DGLUCY: variants seen among roughly 807,000 people sequenced by gnomAD.
DGLUCY encodes D-glutamate cyclase.
In DGLUCY, 58 loss-of-function variants were observed where a neutral mutation model predicts 58.5. That is an observed-to-expected ratio of 0.99 (90% CI 0.80 to 1.23). The LOEUF (loss-of-function observed/expected upper bound fraction) is 1.23, where lower values mean the gene tolerates loss of function less well. DGLUCY is among the 50% of genes most tolerant of loss of function. The pLI is 0.00. For synonymous variants in DGLUCY, 325 were observed against 314.1 expected (o/e 1.03, Z -0.37); for missense variants, 779 against 784.7 (o/e 0.99, Z 0.09).
At chr14:91,192,492 G>A (rs1458412437) in intron 9 of DGLUCY, among the ~76,000 whole-genome samples, 6 of 152,208 alleles carry the variant, frequency 3.9e-5, no homozygotes, top group East Asian at 1.9e-4. Context: ...AAAACAGGCC[G>A]GGCACAGTGA....
intron 13 of DGLUCY, chr14:91,220,576 C>G (rs1422359754): frequency 2.2e-6 from 1 of 456,350 alleles, no homozygotes; most frequent in Admixed American, 2.3e-5. Context: ...CCTCCAGATG[C>G]CATGTGGCGT....
intron 6 of DGLUCY, chr14:91,173,642 G>A (rs1301015415): frequency 3.1e-6 from 2 of 644,472 alleles, no homozygotes; most frequent in East Asian, 3.2e-5. Context: ...AAGCTCCCAT[G>A]GCTTGTCTTT....
chr14:91,181,540 A>G, intron 8 of DGLUCY, 151 bp downstream of exon 8: 1 of 748,990 alleles, frequency 1.3e-6, no homozygotes, highest in South Asian at 1.9e-5. Flanking sequence ...TAAATCTCAA[A>G]AAGACTAGAA....
intron 10 of DGLUCY, among the ~76,000 whole-genome samples, chr14:91,196,878 A>G (rs976493095): frequency 6.6e-6 from 1 of 152,044 alleles, no homozygotes; most frequent in Non-Finnish European, 1.5e-5. Flanking sequence ...GCATCATTGT[A>G]TATCTTGTAT....
chr14:91,152,894 C>T (rs74908274), intron 1 of DGLUCY, among the ~76,000 whole-genome samples: 2,129 of 152,220 alleles, frequency 0.014, 53 homozygotes, highest in African/African-American at 0.048. Context: ...GTGCATCCTT[C>T]GTGGTTCTAA....
chr14:91,210,404 C>T (rs1373461817), intron 12 of DGLUCY, among the ~76,000 whole-genome samples: 3 of 152,000 alleles, frequency 2.0e-5, no homozygotes, highest in Admixed American at 1.3e-4. Context: ...TGGTGGTGTG[C>T]ACTTGTAGAC....
chr14:91,116,569 C>T (rs1050366438), intron 1 of DGLUCY, among the ~76,000 whole-genome samples: 4 of 152,276 alleles, frequency 2.6e-5, no homozygotes, highest in Admixed American at 2.0e-4. Context: ...AACCAGACCC[C>T]GAGAGTGTTC....
At chr14:91,087,754 C>A (rs1156273669) in intron 1 of DGLUCY, among the ~76,000 whole-genome samples, 2 of 152,158 alleles carry the variant, frequency 1.3e-5, no homozygotes, top group African/African-American at 2.4e-5. Context: ...AGGGTGGACG[C>A]GTCAGGTTAT....
At chr14:91,060,474 G>A (rs1263787824) in exon 1 of DGLUCY, 6 of 1,354,280 alleles carry the variant, frequency 4.4e-6, no homozygotes, top group Non-Finnish European at 4.8e-6. Flanking sequence ...GCTACGAGGG[G>A]AACCCAGGAG....
Position 91,155,106 on chromosome 14 carries a change from G to A in DGLUCY, c.-81-2533G>A, listed in dbSNP as rs187692599. 3.3e-5 allele frequency among the ~76,000 whole-genome samples: 5 copies of A among 152,308 alleles called. No homozygotes were observed. In the East Asian group the frequency reaches 5.8e-4, roughly 18 times the overall value. ...ACCCTGAGTCCACAGGCCCCGGAGC[G>A]CTAAGCACATGGTGTTATAGTTAAC... On this transcript the variant is annotated intron_variant, in intron 1 of 13. Coordinates refer to ENST00000256324, the MANE Select transcript of DGLUCY (RefSeq NM_001102368.3).
chr14:91,152,958 T>C (rs895567501), intron 1 of DGLUCY, among the ~76,000 whole-genome samples: 24 of 152,160 alleles, frequency 1.6e-4, no homozygotes, highest in Admixed American at 1.2e-3. Flanking sequence ...CTGGTGGAGC[T>C]GTGAGGGCTT....
intron 11 of DGLUCY, among the ~76,000 whole-genome samples, chr14:91,204,224 A>T (rs2050742870): frequency 6.6e-6 from 1 of 152,230 alleles, no homozygotes. Flanking sequence ...CCTGATTAGG[A>T]TATTTCAGAT....
chr14:91,196,469 A>T lies in DGLUCY; in HGVS notation c.1290A>T (p.Thr430=). The change falls in exon 10 of 14, where the codon ACA becomes ACT. Residue 430 remains threonine (T), a synonymous_variant. Coordinates refer to ENST00000256324, the MANE Select transcript of DGLUCY (RefSeq NM_001102368.3). ...TGTGCAAAAATGGGGACCCGCAGAC[A>T]CCTAGGTACGTATGTCGCATCCCAG... ...AFLCKNGDPQ[T]PRFDHLVAIE... The T allele has an allele frequency of 6.2e-7, 1 of 1,613,674 alleles. No individual in the cohort carries two copies. Among genetic ancestry groups the T allele is most frequent in the Non-Finnish European group, 8.5e-7 (1 of 1,179,676 alleles).
At chr14:91,103,197 C>T (rs1327710396), upstream of DGLUCY, among the ~76,000 whole-genome samples, 52 of 152,180 alleles carry the variant, frequency 3.4e-4, no homozygotes, top group Non-Finnish European at 2.9e-5. Flanking sequence ...TGCCAGTCAC[C>T]GAGGCTTCAT....
chr14:91,171,324 T>G (rs771027246), intron 5 of DGLUCY, among the ~76,000 whole-genome samples: 1 of 152,238 alleles, frequency 6.6e-6, no homozygotes, highest in Non-Finnish European at 1.5e-5. Context: ...TCTGCTGATA[T>G]GGCAACTGTT....
chr14:91,152,541 A>G (rs1020529572), intron 1 of DGLUCY, among the ~76,000 whole-genome samples: 15 of 152,202 alleles, frequency 9.9e-5, no homozygotes, highest in Non-Finnish European at 1.5e-4. Flanking sequence ...TTATAATACC[A>G]TTTTTTAAAT....
At chr14:91,152,866 G>A (rs1334388888) in intron 1 of DGLUCY, among the ~76,000 whole-genome samples, 1 of 152,190 alleles carries the variant, frequency 6.6e-6, no homozygotes, top group East Asian at 1.9e-4. Context: ...CAAGGAAGCT[G>A]TGTCTTCTGT....
chr14:91,198,355 T>TC (rs1461698210), intron 10 of DGLUCY, among the ~76,000 whole-genome samples: 3 of 133,828 alleles, frequency 2.2e-5, no homozygotes, highest in Admixed American at 2.2e-4. Context: ...TTTTTTTTTT[T>TC]CCCCCTTGAG....
At chr14:91,118,083 C>T (rs1414974544) in intron 1 of DGLUCY, among the ~76,000 whole-genome samples, 1 of 107,762 alleles carries the variant, frequency 9.3e-6, no homozygotes, top group Non-Finnish European at 1.9e-5. Context: ...CCGCCCCCCC[C>T]CCCCCTTTTT....
Sources: gnomAD v4.1 joint callset for allele counts (sites outside exome capture counted in the v4.1 genomes callset) on GRCh38, gnomAD v4.1.1 for gene constraint, MANE v1.5 for transcripts, NCBI Gene and HGNC (gene_info 2026-07-23, HGNC 2026-07-21) for gene names.